NAALADL2: variants seen among roughly 807,000 people sequenced by gnomAD.
NAALADL2 encodes the protein N-acetylated alpha-linked acidic dipeptidase like 2.
A neutral mutation model predicts 87.2 loss-of-function variants in NAALADL2; 76 were observed. That is an observed-to-expected ratio of 0.87 (90% CI 0.72 to 1.05). NAALADL2 has a LOEUF of 1.05. Ranked by LOEUF, NAALADL2 falls within the 50% of genes least tolerant of loss-of-function variation. The pLI is 0.00. For synonymous variants in NAALADL2, 354 were observed against 331.0 expected, an observed-to-expected ratio of 1.07 and a Z score of -0.75; for missense variants, 1,089 against 945.8, an observed-to-expected ratio of 1.15 and a Z score of -1.99.
chr3:175,204,784 C>G (rs773618522), intron 2 of NAALADL2, among the ~76,000 whole-genome samples: 3 of 152,020 alleles, frequency 2.0e-5, no homozygotes, highest in African/African-American at 7.2e-5. Flanking sequence ...ATCAGCACCT[C>G]TTTTATACAC....
At chr3:174,579,659 A>G (rs917287499) in intron 2 of NAALADL2, among the ~76,000 whole-genome samples, 1 of 152,082 alleles carries the variant, frequency 6.6e-6, no homozygotes, top group Non-Finnish European at 1.5e-5. Flanking sequence ...GTTTGTCAAA[A>G]CTTATTGATT....
At chr3:174,800,904 G>A (rs1032292835) in intron 3 of NAALADL2, among the ~76,000 whole-genome samples, 2 of 152,182 alleles carry the variant, frequency 1.3e-5, no homozygotes, top group African/African-American at 4.8e-5. Context: ...GGACTTGCAT[G>A]GGGCTTGTAG....
At chr3:175,147,898 C>T (rs915987178) in intron 2 of NAALADL2, among the ~76,000 whole-genome samples, 8 of 151,644 alleles carry the variant, frequency 5.3e-5, no homozygotes, top group African/African-American at 1.9e-4. Flanking sequence ...GGTGAAACCT[C>T]GTCTCTTCTA....
chr3:174,781,078 C>A (rs1481165559), intron 3 of NAALADL2, among the ~76,000 whole-genome samples: 6 of 151,996 alleles, frequency 3.9e-5, no homozygotes, highest in Non-Finnish European at 2.9e-5. Flanking sequence ...GTTGAAAATT[C>A]TTTTTGTTAA....
chr3:175,412,891 T>TTATTATTA (rs1553887808), intron 5 of NAALADL2, among the ~76,000 whole-genome samples: 47 of 123,008 alleles, frequency 3.8e-4, no homozygotes, highest in African/African-American at 9.0e-4. Flanking sequence ...ATTTAATTTA[T>TTATTATTA]TTATTATTAT....
intron 1 of NAALADL2, among the ~76,000 whole-genome samples, chr3:174,968,401 A>G (rs558002274): frequency 2.6e-5 from 4 of 152,200 alleles, no homozygotes; most frequent in Non-Finnish European, 5.9e-5. Context: ...CTCAAATACA[A>G]CAAAATAAGG....
At chr3:175,507,321 G>T (rs559325580) in intron 9 of NAALADL2, among the ~76,000 whole-genome samples, 2 of 152,110 alleles carry the variant, frequency 1.3e-5, no homozygotes, top group East Asian at 3.9e-4. Flanking sequence ...ATTGGAAAAG[G>T]TCAGTGGGGA....
intron 1 of NAALADL2, among the ~76,000 whole-genome samples, chr3:174,965,435 C>A (rs1742728944): frequency 6.6e-6 from 1 of 152,082 alleles, no homozygotes; most frequent in Non-Finnish European, 1.5e-5. Flanking sequence ...TAGTTCCCAC[C>A]TTTTGAAGTG....
intron 2 of NAALADL2, among the ~76,000 whole-genome samples, chr3:174,686,248 A>G (rs1005310735): frequency 2.0e-5 from 3 of 152,092 alleles, no homozygotes; most frequent in African/African-American, 7.2e-5. Flanking sequence ...TTGCCACACT[A>G]TCTTCTGCAA....
intron 1 of NAALADL2, among the ~76,000 whole-genome samples, chr3:174,970,490 T>G (rs1743476777): frequency 6.6e-6 from 1 of 152,168 alleles, no homozygotes; most frequent in Admixed American, 6.5e-5. Context: ...TTAATTATAA[T>G]AATTAGAAGT....
At chr3:174,989,258 T>C (rs1028959587) in intron 1 of NAALADL2, among the ~76,000 whole-genome samples, 2 of 152,034 alleles carry the variant, frequency 1.3e-5, no homozygotes. Context: ...GACACAAACA[T>C]CCAAACAATA....
At chr3:175,406,173 G>C (rs533390951) in intron 5 of NAALADL2, among the ~76,000 whole-genome samples, 1 of 152,330 alleles carries the variant, frequency 6.6e-6, no homozygotes, top group South Asian at 2.1e-4. Context: ...ACAATGGAGT[G>C]AATGAGAAAG....
chr3:174,923,665 A>G, intron 1 of NAALADL2, among the ~76,000 whole-genome samples: 1 of 152,164 alleles, frequency 6.6e-6, no homozygotes, highest in East Asian at 1.9e-4. Flanking sequence ...TCTAGATGCC[A>G]CCATTTTTCA....
chr3:175,718,759 C>T, intron 11 of NAALADL2: 1 of 928,616 alleles, frequency 1.1e-6, no homozygotes, highest in Non-Finnish European at 1.6e-6. Flanking sequence ...GACTCTGTCT[C>T]TACAAATGTA....
At chr3:175,729,586 T>A (rs1287802269) in intron 11 of NAALADL2, among the ~76,000 whole-genome samples, 1 of 152,178 alleles carries the variant, frequency 6.6e-6, no homozygotes, top group Non-Finnish European at 1.5e-5. Flanking sequence ...CGGTAACCAA[T>A]CCAGCTGTTT....
intron 11 of NAALADL2, among the ~76,000 whole-genome samples, chr3:175,652,969 G>T (rs1730987037): frequency 6.6e-6 from 1 of 152,014 alleles, no homozygotes. Context: ...ATAAACAGGG[G>T]ATTGACACAT....
chr3:174,463,599 C>CTTTTTT (rs57673935), intron 1 of NAALADL2, among the ~76,000 whole-genome samples: 4 of 121,506 alleles, frequency 3.3e-5, no homozygotes, highest in Non-Finnish European at 1.7e-5. Flanking sequence ...TAAAGATTAT[C>CTTTTTT]TTTTTTTTTT....
intron 1 of NAALADL2, among the ~76,000 whole-genome samples, chr3:174,881,201 A>C (rs952698180): frequency 6.6e-6 from 1 of 152,120 alleles, no homozygotes; most frequent in Non-Finnish European, 1.5e-5. Flanking sequence ...CATATCATTA[A>C]GCTTAGCATG....
At chr3:175,779,353 G>A (rs1750699693) in intron 13 of NAALADL2, among the ~76,000 whole-genome samples, 1 of 152,166 alleles carries the variant, frequency 6.6e-6, no homozygotes, top group African/African-American at 2.4e-5. Context: ...AGCATGAACT[G>A]TACACTTAGA....
Sources: allele counts gnomAD v4.1 joint callset (sites outside exome capture counted in the v4.1 genomes callset), GRCh38; gene constraint gnomAD v4.1.1; transcripts MANE v1.5; gene names NCBI Gene and HGNC (gene_info 2026-07-23, HGNC 2026-07-21).